CEP78: variants seen among roughly 807,000 people sequenced by gnomAD.
CEP78 encodes the protein centrosomal protein 78, also known as centrosomal protein of 78 kDa.
A neutral mutation model predicts 81.2 loss-of-function variants in CEP78; 76 were observed. The observed-to-expected ratio is 0.94, with a 90% confidence interval of 0.78 to 1.13. The LOEUF (loss-of-function observed/expected upper bound fraction) is 1.13, where lower values mean the gene tolerates loss of function less well. CEP78 is among the 50% of genes most tolerant of loss of function. CEP78 has a pLI of 0.00. For synonymous variants in CEP78, 293 were observed against 301.4 expected (o/e 0.97, Z 0.29); for missense variants, 918 against 846.8 (o/e 1.08, Z -1.04).
At chr9:78,256,086 T>G (rs1460158184) in intron 11 of CEP78, among the ~76,000 whole-genome samples, 1 of 152,224 alleles carries the variant, frequency 6.6e-6, no homozygotes, top group Non-Finnish European at 1.5e-5. Context: ...TTGAAGAGAT[T>G]TCAACATATT....
At chr9:78,267,573 G>C (rs1827593607) in intron 16 of CEP78, among the ~76,000 whole-genome samples, 1 of 152,116 alleles carries the variant, frequency 6.6e-6, no homozygotes, top group Admixed American at 6.5e-5. Context: ...TATGTGAATT[G>C]CCCAAAGTTG....
intron 1 of CEP78, among the ~76,000 whole-genome samples, chr9:78,239,695 C>T (rs917448271): frequency 1.3e-5 from 2 of 152,178 alleles, no homozygotes; most frequent in African/African-American, 4.8e-5. Flanking sequence ...TTCCAGTGCC[C>T]GGCAGGTGTC....
chr9:78,240,362 A>G lies in CEP78; in HGVS notation c.497A>G (p.Glu166Gly). Residue 166 changes from glutamate to glycine, a missense_variant and splice_region_variant, in exon 3 of 17, where the codon GAA (glutamate) becomes GGA (glycine). Glu to Gly is a moderately conservative substitution (Grantham distance 98). Transcript: ENST00000643273. ...TGTCCAATTGGAGATGGAGGTTTAGAAAGTGAGTTTAAATCTCATTTAACT... is the reference window on the plus strand; with the variant it reads ...TGTCCAATTGGAGATGGAGGTTTAGGAAGTGAGTTTAAATCTCATTTAACT... ...ANCPIGDGGL[E>G]IICQGIKSSI... The G allele has an allele frequency of 6.4e-7, 1 of 1,574,396 alleles. No individual in the cohort carries two copies. Among genetic ancestry groups the G allele is most frequent in the Non-Finnish European group, 8.6e-7 (1 of 1,157,292 alleles).
chr9:78,237,180 C>T (rs1251311365), intron 1 of CEP78, among the ~76,000 whole-genome samples: 1 of 151,592 alleles, frequency 6.6e-6, no homozygotes, highest in Non-Finnish European at 1.5e-5. Flanking sequence ...GGGGTTTCAC[C>T]ATGTTAGCCA....
At chr9:78,251,791 G>A (rs1587578236) in intron 8 of CEP78, 117 bp from the exon 9 acceptor site, 3 of 697,564 alleles carry the variant, frequency 4.3e-6, no homozygotes, top group East Asian at 5.6e-5. Flanking sequence ...TGATTTAATG[G>A]ACTTGGTGTC....
rs189732612 is a variant in CEP78, at chr9:78,265,483, G to T, written c.1737G>T (p.Ala579=). The T allele has an allele frequency of 1.3e-4, 202 of 1,588,622 alleles. 2 individuals carry two copies. The East Asian group carries it at 3.4e-3, about 27-fold the overall frequency. Residue 579 remains alanine (A), a synonymous_variant, in exon 14 of 17, where the codon GCG becomes GCT. Coordinates refer to ENST00000643273, the MANE Select transcript of CEP78 (RefSeq NM_001330691.3). ...VSNPPKEEKK[A]LEDEKPEPKQ... ...ATCCACCTAAAGAAGAAAAGAAGGC[G>T]CTTGAAGATGAAAAACCAGAACCGA...
intron 16 of CEP78, among the ~76,000 whole-genome samples, chr9:78,270,622 A>C (rs77707561): frequency 9.6e-4 from 146 of 152,332 alleles, no homozygotes; most frequent in African/African-American, 3.2e-3. Flanking sequence ...TAGTGGTCAA[A>C]AATCATCACT....
chr9:78,246,469 G>T (rs1478081116), intron 5 of CEP78, among the ~76,000 whole-genome samples, 200 bp from the exon 6 acceptor site: 1 of 152,150 alleles, frequency 6.6e-6, no homozygotes, highest in Non-Finnish European at 1.5e-5. Flanking sequence ...GCGTGGTGGC[G>T]GGCGCCTGTA....
chr9:78,263,703 AGGG>A (rs1350023062), intron 12 of CEP78, among the ~76,000 whole-genome samples: 1 of 152,136 alleles, frequency 6.6e-6, no homozygotes, highest in Non-Finnish European at 1.5e-5. Flanking sequence ...CAAGAAGCAA[AGGG>A]GCAATATTGG....
intron 6 of CEP78, 26 bp from the exon 7 acceptor site, chr9:78,248,265 T>C (rs765536391): frequency 1.7e-5 from 22 of 1,283,332 alleles, no homozygotes; most frequent in Non-Finnish European, 2.5e-5. Context: ...ATAATTACTA[T>C]AATTTCAATT....
chr9:78,253,347 T>C (rs894651775), intron 10 of CEP78, 70 bp downstream of exon 10: 8 of 782,112 alleles, frequency 1.0e-5, no homozygotes, highest in Non-Finnish European at 1.3e-5. Flanking sequence ...TTCTCTGTGC[T>C]CTTTAAATTG....
At chr9:78,259,691 G>T (rs1027670098) in intron 11 of CEP78, among the ~76,000 whole-genome samples, 1 of 152,146 alleles carries the variant, frequency 6.6e-6, no homozygotes, top group Non-Finnish European at 1.5e-5. Context: ...TATGATACAT[G>T]AATTTATCTC....
chr9:78,248,619 C>T (rs985393672), intron 7 of CEP78, 143 bp from the exon 8 acceptor site: 46 of 615,324 alleles, frequency 7.5e-5, no homozygotes, highest in Non-Finnish European at 1.1e-4. Flanking sequence ...TTGTAAATAC[C>T]GTATGATTCT....
intron 5 of CEP78, among the ~76,000 whole-genome samples, chr9:78,244,035 C>A (rs1381758233): frequency 6.6e-6 from 1 of 151,686 alleles, no homozygotes; most frequent in African/African-American, 2.4e-5. Flanking sequence ...TAGTTTAATT[C>A]CCTACTATTT....
Position 78,265,532 on chromosome 9 carries a change from CA to C in CEP78, c.1790del (p.Asn597IlefsTer17). ...GAAGCAGAATGCCCTAGGGCAAATG[CA>C]AAATATCCAGGTAAATGAATAGAAC... Reference protein sequence around the residue: ...EPKQNALGQMQNIQVSICMQS... With the variant: ...EPKQNALGQMXNIQVSICMQS... On this transcript the variant is annotated frameshift_variant, in exon 14 of 17. Transcript: ENST00000643273. LOFTEE classifies it high-confidence loss of function. 6.4e-7 allele frequency: 1 copy of C among 1,566,182 alleles called. No homozygotes were observed. Among genetic ancestry groups the C allele is most frequent in the South Asian group, 1.2e-5 (1 of 84,756 alleles).
At position 78,248,358 on chromosome 9, in the gene CEP78, A is replaced by G; in HGVS notation, c.957+3A>G. 1 of 1,546,090 alleles carries G rather than the reference A, an allele frequency of 6.5e-7. No individual in the cohort carries two copies. The highest frequency in any genetic ancestry group is 2.2e-5 in the East Asian group (1 of 44,528). ...ATGGAAGGAGTGCCAAATCAGAGGT[A>G]TATCATGTTTTATTTCTCCAGAAAG... is the stretch of plus-strand genomic sequence containing the variant. On this transcript the variant is annotated splice_donor_region_variant and intron_variant, in intron 7 of 16. Coordinates refer to ENST00000643273, the MANE Select transcript of CEP78 (RefSeq NM_001330691.3).
chr9:78,257,910 C>G (rs1827113297), intron 11 of CEP78, among the ~76,000 whole-genome samples: 1 of 152,136 alleles, frequency 6.6e-6, no homozygotes, highest in African/African-American at 2.4e-5. Context: ...GGCGGTCACT[C>G]TATACAAGGG....
intron 11 of CEP78, among the ~76,000 whole-genome samples, chr9:78,256,521 CTTATTTTTT>C (rs1827034556): frequency 6.9e-6 from 1 of 144,784 alleles, no homozygotes; most frequent in African/African-American, 2.6e-5. Context: ...CCTCTGCTCC[CTTATTTTTT>C]TTTTTTTTTT....
At chr9:78,269,704 T>C (rs955102605) in intron 16 of CEP78, among the ~76,000 whole-genome samples, 1 of 152,098 alleles carries the variant, frequency 6.6e-6, no homozygotes, top group Non-Finnish European at 1.5e-5. Context: ...TTGCAGTAAA[T>C]TGAGGGGCAG....
Sources: allele counts gnomAD v4.1 joint callset (sites outside exome capture counted in the v4.1 genomes callset), GRCh38; gene constraint gnomAD v4.1.1; transcripts MANE v1.5; gene names NCBI Gene and HGNC (gene_info 2026-07-23, HGNC 2026-07-21).